The following SMPD4 variants were observed in gnomAD, a reference collection of about 807,000 sequenced individuals.
SMPD4 encodes the protein neutral sphingomyelinase 3.
Under a neutral mutation model 97.8 loss-of-function variants are expected in SMPD4, and 58 were observed. The observed-to-expected ratio is 0.59, with a 90% CI of 0.48 to 0.74. SMPD4 has a LOEUF of 0.74. Among genes scored for constraint, SMPD4 ranks in the 30% least tolerant of loss-of-function variants. SMPD4 has a pLI of 0.00. For missense variants in SMPD4, 853 were observed against 1,080.5 expected (o/e 0.79, Z 2.95); for synonymous variants, 388 against 450.0 (o/e 0.86, Z 1.74).
chr2:130,163,361 G>A (rs184660319), intron 10 of SMPD4, among the ~76,000 whole-genome samples: 273 of 152,372 alleles, frequency 1.8e-3, no homozygotes, highest in African/African-American at 6.3e-3. Context: ...TGAGGGTGAG[G>A]ATTTGGGGGA....
intron 8 of SMPD4, among the ~76,000 whole-genome samples, chr2:130,171,951 T>G (rs1482455265): frequency 1.3e-5 from 2 of 152,232 alleles, no homozygotes; most frequent in Non-Finnish European, 2.9e-5. Flanking sequence ...AACAGGCTCT[T>G]TGGCCCAGGG....
Position 130,156,789 on chromosome 2 carries a change from C to T in SMPD4, c.1098-114G>A, listed in dbSNP as rs1338044610. On this transcript the variant is annotated intron_variant, in intron 12 of 19. Transcript: ENST00000680298. ...GGCTCCGCCGGGGGAGAGCACTGGG[C>T]ACCTCCGGGAGGTTCAGCCCCATTC... 5 of 1,549,870 alleles carry T rather than the reference C, an allele frequency of 3.2e-6. No homozygotes were observed. In the Admixed American group the frequency reaches 9.8e-5, roughly 30 times the overall value.
At chr2:130,180,567 G>A (rs954808839) in intron 1 of SMPD4, among the ~76,000 whole-genome samples, 2 of 152,164 alleles carry the variant, frequency 1.3e-5, no homozygotes, top group African/African-American at 4.8e-5. Flanking sequence ...CACCGCTCCC[G>A]GCCTCAATTC....
chr2:130,161,836 T>C (rs996747040), intron 10 of SMPD4, among the ~76,000 whole-genome samples: 14 of 152,174 alleles, frequency 9.2e-5, no homozygotes, highest in African/African-American at 3.4e-4. Context: ...AGAAAACACA[T>C]GTGGAATTGA....
In SMPD4 at chr2:130,172,802, G is replaced by A. The variant is rs749803160; in HGVS notation, c.439C>T (p.Leu147=). ...VQFTPTGGLG[L]NLALNPFEYY... is the part of the protein sequence containing the mutation. Reference sequence around the variant, plus strand: ...CAAAGGATACTCAGGGCCAAGTTCAGACCAAGGCCCCCAGTAGGGGTGAAC... The same window carrying A: ...CAAAGGATACTCAGGGCCAAGTTCAAACCAAGGCCCCCAGTAGGGGTGAAC... Residue 147 remains leucine (L), a synonymous_variant, in exon 6 of 20, where the codon CTG becomes TTG. Transcript: ENST00000680298. 9 of 1,614,206 alleles carry A rather than the reference G, an allele frequency of 5.6e-6. No individual in the cohort carries two copies. In the South Asian group the frequency reaches 9.9e-5, roughly 18 times the overall value.
Position 130,158,305 on chromosome 2 carries a change from C to T in SMPD4, c.952-909G>A, listed in dbSNP as rs986375478. 2.5e-6 allele frequency: 3 copies of T among 1,214,006 alleles called. No homozygotes were observed. The African/African-American group carries it at 4.8e-5, about 20-fold the overall frequency. The allele number at this position is 1,214,006 out of a possible 1,614,324, so 75.2% of individuals were successfully genotyped here. A position where few individuals can be genotyped will look rare whatever the true frequency, so the allele number is the denominator to read the frequency against. The stretch of plus-strand genomic sequence containing the variant: ...ACCCCAAGACAAAAGCACAGTCAAG[C>T]ATATTAGGCCAAACTTTTTTTTTTT... On this transcript the variant is annotated intron_variant, in intron 11 of 19. Coordinates refer to ENST00000680298, the MANE Select transcript of SMPD4 (RefSeq NM_017951.5).
intron 11 of SMPD4, 113 bp downstream of exon 11, chr2:130,161,073 G>A (rs907350835): frequency 1.4e-5 from 14 of 1,023,320 alleles, no homozygotes; most frequent in African/African-American, 1.3e-4. Flanking sequence ...CAGGGGCTTC[G>A]TTCTGCTTGG....
intron 11 of SMPD4, among the ~76,000 whole-genome samples, chr2:130,158,641 G>A (rs1240378809): frequency 6.6e-6 from 1 of 152,182 alleles, no homozygotes; most frequent in Non-Finnish European, 1.5e-5. Context: ...GGAGAGGAAA[G>A]CCTTTTTGGT....
chr2:130,170,894 C>T (rs1198234907), intron 8 of SMPD4, among the ~76,000 whole-genome samples: 1 of 151,980 alleles, frequency 6.6e-6, no homozygotes, highest in South Asian at 2.1e-4. Context: ...AACCCCGTTA[C>T]TACTAAAAAT....
chr2:130,167,624 G>GGCTCCCGCTGTAACTC (rs770045697), intron 8 of SMPD4, 34 bp from the exon 9 acceptor site: 11 of 1,563,028 alleles, frequency 7.0e-6, no homozygotes, highest in Admixed American at 1.8e-5. Flanking sequence ...CCGAGTTACA[G>GGCTCCCGCTGTAACTC]GCTCCCGCTG....
intron 11 of SMPD4, among the ~76,000 whole-genome samples, chr2:130,158,674 T>C (rs978536119): frequency 2.6e-5 from 4 of 152,082 alleles, no homozygotes; most frequent in South Asian, 2.1e-4. Context: ...CCTCTGGTTG[T>C]TTAGCATTGG....
chr2:130,176,222 A>G (rs956426417), intron 2 of SMPD4, among the ~76,000 whole-genome samples: 19 of 152,204 alleles, frequency 1.2e-4, no homozygotes, highest in Admixed American at 6.5e-5. Flanking sequence ...TTATTAGAAT[A>G]CTTCATATCT....
Position 130,155,197 on chromosome 2 carries a change from C to T in SMPD4, c.1352G>A (p.Arg451His), listed in dbSNP as rs373604690. The T allele has an allele frequency of 9.7e-5, 157 of 1,614,062 alleles. No homozygotes were observed. The highest frequency in any genetic ancestry group is 1.4e-4 in the South Asian group (13 of 91,092). ...YTKLFVGFLNRALRTDLVSPK... is the reference protein window; with the variant it reads ...YTKLFVGFLNHALRTDLVSPK... ...GCTGACCAGGTCTGTGCGGAGCGCG[C>T]GGTTCAGAAAGCCCACAAACAACTT... is the stretch of plus-strand genomic sequence containing the variant. The change falls in exon 15 of 20, where the codon CGC becomes CAC. Residue 451 changes from arginine to histidine, a missense_variant. By Grantham distance (29) the Arg-to-His change is conservative (BLOSUM62 0). Around this residue, in one of 3 missense-constraint regions of SMPD4, gnomAD observed 511 missense variants for 608.1 expected, o/e 0.84. Transcript: ENST00000680298.
chr2:130,172,552 C>G, intron 7 of SMPD4, 52 bp from the exon 8 acceptor site: 1 of 1,613,192 alleles, frequency 6.2e-7, no homozygotes. Flanking sequence ...GCCAGGCCAC[C>G]AAGCACCAAC....
chr2:130,180,951 A>G (rs1186910187), intron 1 of SMPD4, among the ~76,000 whole-genome samples: 1 of 151,680 alleles, frequency 6.6e-6, no homozygotes, highest in African/African-American at 2.4e-5. Context: ...TCCAACACCT[A>G]TTTTCTCCAG....
chr2:130,153,486 G>A, intron 17 of SMPD4, 36 bp from the exon 18 acceptor site: 1 of 1,611,242 alleles, frequency 6.2e-7, no homozygotes, highest in Non-Finnish European at 8.5e-7. Context: ...TCAGCATCAA[G>A]ATGAAGAGAG....
chr2:130,172,520 G>A lies in SMPD4; in HGVS notation c.508-20C>T, dbSNP rs1688570095. 1.2e-6 allele frequency: 2 copies of A among 1,611,960 alleles called. No homozygotes were observed. Among genetic ancestry groups the A allele is most frequent in the Admixed American group, 1.7e-5 (1 of 59,938 alleles). ...AAGTGGCTGGAAAACCAAGCTAGTT[G>A]TTAGCATGGGCTCTGGACACTGCCA... On this transcript the variant is annotated intron_variant, in intron 7 of 19. Transcript: ENST00000680298.
At position 130,157,563 on chromosome 2, in the gene SMPD4, G is replaced by A; in HGVS notation, c.952-167C>T. ...ACCCCATGGGGCACCACTGTGCCTG[G>A]CACCCAGATGTGCCTTGCACTGCTT... On this transcript the variant is annotated intron_variant, in intron 11 of 19. Transcript: ENST00000680298. 5 of 1,357,416 alleles carry A rather than the reference G, an allele frequency of 3.7e-6. No homozygotes were observed. In the Middle Eastern group the frequency reaches 8.0e-4, roughly 218 times the overall value. The allele number at this position is 1,357,416 out of a possible 1,614,324, so 84.1% of individuals were successfully genotyped here.
chr2:130,179,881 C>T (rs1689348591), intron 1 of SMPD4, among the ~76,000 whole-genome samples: 1 of 152,040 alleles, frequency 6.6e-6, no homozygotes, highest in African/African-American at 2.4e-5. Flanking sequence ...TCTCAAACTC[C>T]TGACCTCGTG....
Sources: allele counts gnomAD v4.1 joint callset (sites outside exome capture counted in the v4.1 genomes callset), GRCh38; gene constraint gnomAD v4.1.1; regional missense constraint gnomAD v4.1.1; transcripts MANE v1.5; gene names NCBI Gene and HGNC (gene_info 2026-07-23, HGNC 2026-07-21).